The following RBFOX1 variants were observed in gnomAD, a reference collection of about 807,000 sequenced individuals.
RBFOX1 encodes RNA binding protein fox-1 homolog 1.
A neutral mutation model predicts 57.7 loss-of-function variants in RBFOX1; 8 were observed. The ratio of observed to expected loss-of-function variants is 0.14; its 90% CI spans 0.08 to 0.25. The LOEUF (loss-of-function observed/expected upper bound fraction) is 0.25, where lower values mean the gene tolerates loss of function less well. RBFOX1 is among the 10% of genes least tolerant of loss of function. The pLI is 1.00. For missense variants in RBFOX1, 611 were observed against 548.5 expected (o/e 1.11, Z -1.14); for synonymous variants, 326 against 222.4 (o/e 1.47, Z -4.15).
chr16:6,675,676 C>T (rs1428459656), intron 3 of RBFOX1, among the ~76,000 whole-genome samples: 1 of 152,204 alleles, frequency 6.6e-6, no homozygotes, highest in Admixed American at 6.5e-5. Flanking sequence ...AGAAGGAAAG[C>T]ATGTGTTACA....
At chr16:5,570,587 C>T (rs1366721529) in intron 2 of RBFOX1, among the ~76,000 whole-genome samples, 1 of 152,094 alleles carries the variant, frequency 6.6e-6, no homozygotes, top group African/African-American at 2.4e-5. Context: ...CGCCTGTAAT[C>T]CCAGCACTTT....
At chr16:7,473,485 A>G (rs1033817520) in intron 4 of RBFOX1, among the ~76,000 whole-genome samples, 1 of 148,216 alleles carries the variant, frequency 6.7e-6, no homozygotes, top group South Asian at 2.1e-4. Flanking sequence ...ATATATATGT[A>G]TATATGTTTA....
chr16:7,372,285 G>C (rs1379485246), intron 4 of RBFOX1, among the ~76,000 whole-genome samples: 1 of 152,176 alleles, frequency 6.6e-6, no homozygotes, highest in Non-Finnish European at 1.5e-5. Context: ...GATCCCATGA[G>C]AGCGGGATCA....
intron 3 of RBFOX1, among the ~76,000 whole-genome samples, chr16:5,672,857 GT>G (rs1567377769): frequency 1.0e-2 from 69 of 6,916 alleles, no homozygotes; most frequent in Non-Finnish European, 0.078. Flanking sequence ...CACCGTAGGT[GT>G]GTGTGTGTGT....
At chr16:6,855,375 G>C (rs1019467894) in intron 3 of RBFOX1, among the ~76,000 whole-genome samples, 1 of 152,048 alleles carries the variant, frequency 6.6e-6, no homozygotes, top group East Asian at 1.9e-4. Context: ...ATCTTGGCCG[G>C]GCGCAGTGGC....
rs1008376658 is a variant in RBFOX1 at position 7,010,751 on chromosome 16, G to C, written c.-15-41306G>C. On this transcript the variant is annotated intron_variant, in intron 3 of 15. Transcript: ENST00000550418. ...GGCTGATTTTTGTATTTTTAGTAGA[G>C]ACATGGTTTCTCCATGTTGGCCAGG... Among the ~76,000 whole-genome samples the C allele has an allele frequency of 8.5e-5, 13 of 152,200 alleles. No individual in the cohort carries two copies. The East Asian group carries it at 2.5e-3, about 30-fold the overall frequency.
intron 1 of RBFOX1, among the ~76,000 whole-genome samples, chr16:6,182,500 A>T (rs754442925): frequency 6.6e-6 from 1 of 152,164 alleles, no homozygotes; most frequent in Admixed American, 6.5e-5. Flanking sequence ...ACACGCACAT[A>T]GTCTTCATAT....
chr16:7,362,679 G>A (rs1488048947), intron 4 of RBFOX1, among the ~76,000 whole-genome samples: 2 of 151,996 alleles, frequency 1.3e-5, no homozygotes, highest in African/African-American at 2.4e-5. Context: ...GTTTGCATAT[G>A]TGTGTTAGTG....
At chr16:5,972,810 C>A (rs560879587) in intron 4 of RBFOX1, among the ~76,000 whole-genome samples, 1 of 152,230 alleles carries the variant, frequency 6.6e-6, no homozygotes, top group Non-Finnish European at 1.5e-5. Context: ...GGGCACCATG[C>A]ACCCTTGGCT....
intron 12 of RBFOX1, among the ~76,000 whole-genome samples, chr16:7,662,002 C>T (rs893117924): frequency 1.3e-5 from 2 of 149,122 alleles, no homozygotes; most frequent in Non-Finnish European, 1.5e-5. Context: ...ACAAAACTGG[C>T]CATGGTGCAT....
intron 4 of RBFOX1, among the ~76,000 whole-genome samples, chr16:7,386,149 C>T (rs1021833152): frequency 6.6e-6 from 1 of 151,912 alleles, no homozygotes; most frequent in Non-Finnish European, 1.5e-5. Context: ...GGTTTGAGAT[C>T]CCAACAGCCT....
chr16:7,207,811 G>A (rs11859646), intron 4 of RBFOX1, among the ~76,000 whole-genome samples: 17,540 of 152,178 alleles, frequency 0.12, 1,185 homozygotes, highest in African/African-American at 0.17. Context: ...GCAATAGAAC[G>A]AGCAGGCCAC....
chr16:5,432,209 A>C (rs1367650954), intron 1 of RBFOX1, among the ~76,000 whole-genome samples: 1 of 152,180 alleles, frequency 6.6e-6, no homozygotes, highest in African/African-American at 2.4e-5. Flanking sequence ...TCTGAAAAAC[A>C]CAATTCTGAA....
chr16:6,016,898 T>C (rs1596410993), upstream of RBFOX1, among the ~76,000 whole-genome samples: 1 of 152,334 alleles, frequency 6.6e-6, no homozygotes, highest in South Asian at 2.1e-4. Flanking sequence ...CATGCCATAT[T>C]GATCTTTACT....
intron 2 of RBFOX1, among the ~76,000 whole-genome samples, chr16:5,557,385 C>G (rs1432447126): frequency 6.9e-6 from 1 of 145,732 alleles, no homozygotes; most frequent in East Asian, 1.9e-4. Context: ...CAATGGGAGT[C>G]AAGCACATGG....
intron 2 of RBFOX1, among the ~76,000 whole-genome samples, chr16:6,615,712 A>C (rs2098132058): frequency 6.6e-6 from 1 of 152,054 alleles, no homozygotes; most frequent in Admixed American, 6.6e-5. Flanking sequence ...CAATGCAAAC[A>C]CTTGTATTTC....
At chr16:5,515,665 A>T (rs551332931) in intron 2 of RBFOX1, among the ~76,000 whole-genome samples, 3 of 152,230 alleles carry the variant, frequency 2.0e-5, no homozygotes, top group African/African-American at 7.2e-5. Flanking sequence ...GATTAATCTA[A>T]GGTTATTCTC....
chr16:6,040,484 TTTG>T (rs2095424086), intron 1 of RBFOX1, among the ~76,000 whole-genome samples: 2 of 152,244 alleles, frequency 1.3e-5, no homozygotes, highest in South Asian at 4.1e-4. Context: ...GCTGGTTTCT[TTTG>T]CTTAGCATCT....
At chr16:5,876,890 C>G (rs2057626236) in intron 4 of RBFOX1, among the ~76,000 whole-genome samples, 1 of 152,126 alleles carries the variant, frequency 6.6e-6, no homozygotes, top group African/African-American at 2.4e-5. Context: ...GAGAGACAGA[C>G]TCAGCCACAG....
Sources: gnomAD v4.1 joint callset for allele counts (sites outside exome capture counted in the v4.1 genomes callset) on GRCh38, gnomAD v4.1.1 for gene constraint, MANE v1.5 for transcripts, NCBI Gene and HGNC (gene_info 2026-07-23, HGNC 2026-07-21) for gene names.